ACYP2: variants seen among roughly 807,000 people sequenced by gnomAD.
ACYP2 encodes the protein acylphosphatase-2.
Under a neutral mutation model 11.2 loss-of-function variants are expected in ACYP2, and 12 were observed. The ratio of observed to expected loss-of-function variants is 1.08; its 90% CI spans 0.69 to 1.74. The LOEUF is 1.74. Among genes scored for constraint, ACYP2 ranks in the 40% most tolerant of loss-of-function variants. ACYP2 has a pLI of 0.00. For synonymous variants in ACYP2, 43 were observed against 32.2 expected, an observed-to-expected ratio of 1.33 and a Z score of -1.13; for missense variants, 134 against 101.9, an observed-to-expected ratio of 1.31 and a Z score of -1.35.
At chr2:54,231,414 A>G (rs1686233139) in intron 6 of ACYP2, among the ~76,000 whole-genome samples, 1 of 152,264 alleles carries the variant, frequency 6.6e-6, no homozygotes, top group Non-Finnish European at 1.5e-5. Context: ...TCTTTCTGTT[A>G]ACATAAATTA....
chr2:54,238,957 T>C (rs1686616747), intron 6 of ACYP2, among the ~76,000 whole-genome samples: 1 of 151,810 alleles, frequency 6.6e-6, no homozygotes, highest in African/African-American at 2.4e-5. Context: ...TGTGTAGATA[T>C]TTAAGGACTC....
chr2:54,096,234 G>GAT (rs1227374357), intron 4 of ACYP2, among the ~76,000 whole-genome samples: 22 of 148,510 alleles, frequency 1.5e-4, no homozygotes, highest in African/African-American at 5.2e-4. Flanking sequence ...CCTCCCAGAC[G>GAT]GGGCGGCGGA....
intron 4 of ACYP2, among the ~76,000 whole-genome samples, chr2:54,129,969 A>G (rs1027063729): frequency 6.0e-5 from 9 of 150,798 alleles, no homozygotes; most frequent in Admixed American, 4.0e-4. Context: ...ATAGTTAAAT[A>G]TTTCACATAA....
intron 6 of ACYP2, among the ~76,000 whole-genome samples, chr2:54,157,708 T>C (rs1338793654): frequency 1.3e-5 from 2 of 152,176 alleles, no homozygotes; most frequent in Admixed American, 6.5e-5. Flanking sequence ...TTTCAAATAG[T>C]AGTAAGTGCC....
At chr2:54,274,423 T>C (rs1688453128) in intron 6 of ACYP2, among the ~76,000 whole-genome samples, 1 of 151,964 alleles carries the variant, frequency 6.6e-6, no homozygotes, top group African/African-American at 2.4e-5. Flanking sequence ...GGAGGATTGC[T>C]TGAGCCCAGA....
intron 6 of ACYP2, among the ~76,000 whole-genome samples, chr2:54,152,269 A>G (rs552728769): frequency 2.4e-4 from 37 of 151,904 alleles, no homozygotes; most frequent in African/African-American, 8.2e-4. Flanking sequence ...AAACACGTAC[A>G]TGATGCTCAG....
chr2:54,075,523 A>AAAG (rs1558511035), intron 4 of ACYP2, among the ~76,000 whole-genome samples: 6 of 101,430 alleles, frequency 5.9e-5, no homozygotes, highest in South Asian at 3.5e-4. Flanking sequence ...AAGAAAGAAA[A>AAAG]AAAAAAAGGG....
chr2:54,265,471 G>C (rs1687975485), intron 6 of ACYP2, among the ~76,000 whole-genome samples: 1 of 152,148 alleles, frequency 6.6e-6, no homozygotes, highest in Non-Finnish European at 1.5e-5. Context: ...ATGAGATATG[G>C]GTGGGGACAC....
intron 6 of ACYP2, among the ~76,000 whole-genome samples, chr2:54,295,075 C>G (rs1230379997): frequency 1.3e-5 from 2 of 152,156 alleles, no homozygotes; most frequent in African/African-American, 4.8e-5. Context: ...GATGGCATGT[C>G]ATATGACTAG....
intron 6 of ACYP2, among the ~76,000 whole-genome samples, chr2:54,162,605 TCTGTTTTGAAAGG>T (rs1312438137): frequency 5.9e-5 from 9 of 151,734 alleles, no homozygotes; most frequent in Non-Finnish European, 7.4e-5. Flanking sequence ...GGCCCAACAA[TCTGTTTTGAAAGG>T]CTGTTTTGAA....
At chr2:54,247,573 T>C (rs201848282) in intron 6 of ACYP2, among the ~76,000 whole-genome samples, 1 of 152,206 alleles carries the variant, frequency 6.6e-6, no homozygotes, top group African/African-American at 2.4e-5. Flanking sequence ...GAAATTGTCA[T>C]AATATTTATT....
At chr2:53,999,627 G>C (rs1251654411) in intron 2 of ACYP2, among the ~76,000 whole-genome samples, 1 of 152,066 alleles carries the variant, frequency 6.6e-6, no homozygotes, top group Non-Finnish European at 1.5e-5. Context: ...AACAGGCCCT[G>C]TTTTATAACC....
At chr2:54,201,664 TTCTTTCTTTCTTTCTTTC>T (rs1684826066) in intron 6 of ACYP2, among the ~76,000 whole-genome samples, 75 of 103,184 alleles carry the variant, frequency 7.3e-4, no homozygotes, top group African/African-American at 2.5e-3. Flanking sequence ...CTTTCTTTCT[TTCTTTCTTTCTTTCTTTC>T]TCTCTCTCTC....
intron 2 of ACYP2, among the ~76,000 whole-genome samples, chr2:53,979,525 G>C (rs1242041273): frequency 6.6e-6 from 1 of 151,696 alleles, no homozygotes; most frequent in African/African-American, 2.4e-5. Flanking sequence ...TACTGTGGAG[G>C]CTGAGGCAGG....
rs557239978 is a variant in ACYP2, at chr2:53,993,312, A to C, written c.62+19502A>C. Among the ~76,000 whole-genome samples, 6 of 152,268 alleles carry C rather than the reference A, an allele frequency of 3.9e-5. No homozygotes were observed. In the East Asian group the frequency reaches 1.2e-3, roughly 29 times the overall value. On this transcript the variant is annotated intron_variant, in intron 2 of 6. Coordinates refer to ENST00000607452, the MANE Select transcript of ACYP2 (RefSeq NM_001320586.2). ...GAGATGATGGTGTGGAGAAGGAAGG[A>C]TTAGATCCAAAGGGCAGGAGTGAAA...
In ACYP2 at chr2:54,304,837, A is replaced by C. The variant is rs1558681829; in HGVS notation, c.*35A>C. On this transcript the variant is annotated 3_prime_UTR_variant, in exon 7 of 7. Coordinates refer to ENST00000607452, the MANE Select transcript of ACYP2 (RefSeq NM_001320586.2). ...AAAATTGTAACACACTGAACAATAG[A>C]TACTGTATGTTCTTAAGACTATGTA... The C allele has an allele frequency of 3.3e-6, 4 of 1,210,720 alleles. No homozygotes were observed. The highest frequency in any genetic ancestry group is 3.6e-6 in the Non-Finnish European group (3 of 826,904). 75.0% of individuals were successfully genotyped at this position (1,210,720 alleles called of 1,614,324 possible). A position where few individuals can be genotyped will look rare whatever the true frequency, so the allele number is the denominator to read the frequency against.
chr2:54,103,077 A>G (rs1678983898), intron 4 of ACYP2, among the ~76,000 whole-genome samples: 1 of 152,228 alleles, frequency 6.6e-6, no homozygotes, highest in South Asian at 2.1e-4. Context: ...CTCCCCTAAA[A>G]TCACAAGGAC....
chr2:54,194,101 C>G (rs557745668), intron 6 of ACYP2, among the ~76,000 whole-genome samples: 1 of 152,130 alleles, frequency 6.6e-6, no homozygotes, highest in Non-Finnish European at 1.5e-5. Flanking sequence ...TGCAATGGCA[C>G]GATCTAGGCT....
chr2:54,229,709 T>G (rs2103964019), intron 6 of ACYP2, among the ~76,000 whole-genome samples: 1 of 152,364 alleles, frequency 6.6e-6, no homozygotes, highest in Non-Finnish European at 1.5e-5. Flanking sequence ...GACTAGTTTT[T>G]CTGTTCTGTT....
Sources: gnomAD v4.1 joint callset for allele counts (sites outside exome capture counted in the v4.1 genomes callset) on GRCh38, gnomAD v4.1.1 for gene constraint, MANE v1.5 for transcripts, NCBI Gene and HGNC (gene_info 2026-07-23, HGNC 2026-07-21) for gene names.